The following IQGAP2 variants were observed in gnomAD, a reference collection of about 807,000 sequenced individuals.
IQGAP2 encodes ras GTPase-activating-like protein IQGAP2.
IQGAP2 carries 173 observed loss-of-function variants against 201.3 expected under a neutral mutation model. The ratio of observed to expected loss-of-function variants is 0.86; its 90% CI spans 0.76 to 0.98. The LOEUF is 0.98. IQGAP2 is among the 50% of genes least tolerant of loss of function. The pLI, the probability that IQGAP2 is intolerant of heterozygous loss-of-function variation, is 0.00. For synonymous variants in IQGAP2, 675 were observed against 673.9 expected, an observed-to-expected ratio of 1.00 and a Z score of -0.03; for missense variants, 1,687 against 1,864.8, an observed-to-expected ratio of 0.90 and a Z score of 1.76.
At chr5:76,494,053 T>G (rs1756729600) in intron 2 of IQGAP2, among the ~76,000 whole-genome samples, 2 of 152,348 alleles carry the variant, frequency 1.3e-5, no homozygotes, top group Middle Eastern at 6.8e-3. Flanking sequence ...ATGTAAATGT[T>G]ATGTAAATAG....
chr5:76,578,550 G>T (rs1745621806), intron 5 of IQGAP2, among the ~76,000 whole-genome samples: 1 of 152,138 alleles, frequency 6.6e-6, no homozygotes, highest in African/African-American at 2.4e-5. Flanking sequence ...TTGACCTCGT[G>T]ATCTGCCTGC....
intron 2 of IQGAP2, among the ~76,000 whole-genome samples, chr5:76,483,317 G>A (rs1380220479): frequency 6.6e-6 from 1 of 152,124 alleles, no homozygotes; most frequent in Non-Finnish European, 1.5e-5. Flanking sequence ...TTGTAGCACC[G>A]GGAGAGTAGG....
At chr5:76,684,768 A>G (rs1018321095) in intron 30 of IQGAP2, among the ~76,000 whole-genome samples, 4 of 152,156 alleles carry the variant, frequency 2.6e-5, no homozygotes, top group African/African-American at 9.7e-5. Context: ...ATTTGTGGCA[A>G]GAGCTTTCTC....
intron 2 of IQGAP2, among the ~76,000 whole-genome samples, chr5:76,479,897 T>A (rs1318501944): frequency 3.3e-5 from 5 of 150,938 alleles, no homozygotes; most frequent in African/African-American, 9.8e-5. Flanking sequence ...GTGTGTTGGT[T>A]TTGAGAGACT....
In IQGAP2 at chr5:76,522,075, C is replaced by T. The variant is rs76850818; in HGVS notation, c.147-40321C>T. On this transcript the variant is annotated intron_variant, in intron 2 of 35. Transcript: ENST00000274364. ...TTATTGGATGGAAACAGAAACTTCT[C>T]CACTAAGGAGCCCTGTCCATAGCTG... 3.9e-3 allele frequency among the ~76,000 whole-genome samples: 589 copies of T among 152,254 alleles called. 6 individuals carry two copies. Among genetic ancestry groups the T allele is most frequent in the African/African-American group, 0.013 (547 of 41,558 alleles).
intron 1 of IQGAP2, among the ~76,000 whole-genome samples, chr5:76,418,887 G>C (rs189720083): frequency 6.6e-6 from 1 of 152,094 alleles, no homozygotes; most frequent in South Asian, 2.1e-4. Flanking sequence ...GGGCTGCTGG[G>C]TGTCAACAGC....
intron 28 of IQGAP2, among the ~76,000 whole-genome samples, chr5:76,679,761 A>G (rs543092135): frequency 2.0e-5 from 3 of 152,150 alleles, no homozygotes; most frequent in African/African-American, 7.2e-5. Flanking sequence ...GCCTTTCCAG[A>G]TTTTGCCCGG....
chr5:76,449,742 T>G (rs1753613909), intron 1 of IQGAP2, among the ~76,000 whole-genome samples: 1 of 152,204 alleles, frequency 6.6e-6, no homozygotes, highest in Non-Finnish European at 1.5e-5. Context: ...TCTCATGACT[T>G]AATTCTGAAA....
At chr5:76,529,629 G>GAATAATAATAATAAT (rs57526049) in intron 2 of IQGAP2, among the ~76,000 whole-genome samples, 3 of 139,076 alleles carry the variant, frequency 2.2e-5, no homozygotes, top group East Asian at 4.5e-4. Context: ...CTCCCTCTCG[G>GAATAATAATAATAAT]AATAATAATA....
chr5:76,577,973 T>G (rs903295028), intron 5 of IQGAP2, among the ~76,000 whole-genome samples: 17 of 152,314 alleles, frequency 1.1e-4, no homozygotes, highest in Admixed American at 5.9e-4. Flanking sequence ...AGGCGCTGCC[T>G]TCTTCCTGCC....
intron 1 of IQGAP2, among the ~76,000 whole-genome samples, chr5:76,409,837 CTT>C (rs1221998123): frequency 6.6e-6 from 1 of 152,154 alleles, no homozygotes; most frequent in Non-Finnish European, 1.5e-5. Flanking sequence ...ATTTTTCTCT[CTT>C]GAGATGCAGT....
At chr5:76,597,701 T>C in intron 10 of IQGAP2, 99 bp downstream of exon 10, 2 of 1,266,762 alleles carry the variant, frequency 1.6e-6, no homozygotes, top group Non-Finnish European at 2.2e-6. Flanking sequence ...ATCGGGGATC[T>C]CTAATTTGTA....
intron 17 of IQGAP2, among the ~76,000 whole-genome samples, chr5:76,645,695 A>G (rs1751981626): frequency 6.6e-6 from 1 of 152,146 alleles, no homozygotes; most frequent in Non-Finnish European, 1.5e-5. Context: ...TTATATTCCC[A>G]GCCAAGCTGC....
chr5:76,544,994 A>G (rs1451457022), intron 2 of IQGAP2, among the ~76,000 whole-genome samples: 1 of 151,960 alleles, frequency 6.6e-6, no homozygotes, highest in Non-Finnish European at 1.5e-5. Flanking sequence ...ATATGTAAAT[A>G]TATACATATG....
intron 3 of IQGAP2, among the ~76,000 whole-genome samples, chr5:76,568,865 G>A (rs1163479126): frequency 2.0e-5 from 3 of 152,152 alleles, no homozygotes; most frequent in Non-Finnish European, 4.4e-5. Flanking sequence ...AGTTGGAAGA[G>A]GGGGACATTA....
chr5:76,599,830 C>T (rs1034416016), intron 10 of IQGAP2, among the ~76,000 whole-genome samples: 1 of 152,080 alleles, frequency 6.6e-6, no homozygotes, highest in African/African-American at 2.4e-5. Context: ...GCTCCTGCTC[C>T]TTATGTCCCT....
intron 2 of IQGAP2, among the ~76,000 whole-genome samples, chr5:76,501,786 G>A (rs900543667): frequency 2.0e-5 from 3 of 151,880 alleles, no homozygotes; most frequent in African/African-American, 4.8e-5. Context: ...GGGATTACAG[G>A]CATGCACCAC....
chr5:76,575,980 T>G (rs1326139126), intron 5 of IQGAP2, among the ~76,000 whole-genome samples: 1 of 152,176 alleles, frequency 6.6e-6, no homozygotes, highest in Non-Finnish European at 1.5e-5. Context: ...TTTTTAAATC[T>G]AACTCAAAAT....
intron 2 of IQGAP2, among the ~76,000 whole-genome samples, chr5:76,464,356 T>G (rs982846768): frequency 6.6e-6 from 1 of 152,224 alleles, no homozygotes; most frequent in Non-Finnish European, 1.5e-5. Flanking sequence ...TTTAAAGTAT[T>G]AGTACCTTTG....
Sources: gnomAD v4.1 joint callset for allele counts (sites outside exome capture counted in the v4.1 genomes callset) on GRCh38, gnomAD v4.1.1 for gene constraint, MANE v1.5 for transcripts, NCBI Gene and HGNC (gene_info 2026-07-23, HGNC 2026-07-21) for gene names.